The following ADGRV1 variants were observed in gnomAD, a reference collection of about 807,000 sequenced individuals.
The protein encoded by ADGRV1 is G-protein coupled receptor 98.
A neutral mutation model predicts 596.2 loss-of-function variants in ADGRV1; 359 were observed. The observed-to-expected ratio is 0.60, with a 90% confidence interval of 0.55 to 0.66. ADGRV1 has a LOEUF of 0.66. Among genes scored for constraint, ADGRV1 ranks in the 30% least tolerant of loss-of-function variants. The pLI is 0.00. For synonymous variants in ADGRV1, 2,681 were observed against 2,679.2 expected (o/e 1.00, Z -0.02); for missense variants, 7,274 against 7,575.6 (o/e 0.96, Z 1.48).
At chr5:90,710,099 A>T (rs1216710568) in intron 39 of ADGRV1, among the ~76,000 whole-genome samples, 1 of 152,082 alleles carries the variant, frequency 6.6e-6, no homozygotes, top group Non-Finnish European at 1.5e-5. Context: ...CCCTGATTTT[A>T]TATGCTTTCC....
chr5:91,107,605 G>A (rs373331874), intron 87 of ADGRV1, among the ~76,000 whole-genome samples: 5 of 152,084 alleles, frequency 3.3e-5, no homozygotes, highest in East Asian at 1.9e-4. Flanking sequence ...GAGAGGAATG[G>A]GTTCAAAGCA....
At chr5:90,788,445 G>T (rs1464381291) in intron 68 of ADGRV1, 135 bp downstream of exon 68, 1 of 857,084 alleles carries the variant, frequency 1.2e-6, no homozygotes, top group East Asian at 2.8e-5. Flanking sequence ...TAATAATTCT[G>T]AAGGGTCAAA....
In ADGRV1 at chr5:90,602,303, G is replaced by A. The variant is rs114408272; in HGVS notation, c.23-12532G>A. 5.6e-3 allele frequency among the ~76,000 whole-genome samples: 856 copies of A among 152,312 alleles called. 5 individuals are homozygous for A. The highest frequency in any genetic ancestry group is 9.2e-3 in the Admixed American group (141 of 15,294). On this transcript the variant is annotated intron_variant, in intron 1 of 89. Coordinates refer to ENST00000405460, the MANE Select transcript of ADGRV1 (RefSeq NM_032119.4). ...AAACAGTAAGAAATTTTCGAAAGGG[G>A]AGAGGGGTGCTATACATAATGACTT...
At chr5:90,948,835 C>T (rs1462255547) in intron 83 of ADGRV1, among the ~76,000 whole-genome samples, 1 of 152,068 alleles carries the variant, frequency 6.6e-6, no homozygotes, top group East Asian at 1.9e-4. Context: ...TGTGTGAGTA[C>T]TCCAAGCACA....
intron 83 of ADGRV1, among the ~76,000 whole-genome samples, chr5:90,884,285 C>A (rs1219639598): frequency 6.6e-6 from 1 of 152,126 alleles, no homozygotes; most frequent in South Asian, 2.1e-4. Context: ...CATTACCAAA[C>A]GTCCCCTGGA....
At chr5:90,595,563 G>A (rs1760302752) in intron 1 of ADGRV1, among the ~76,000 whole-genome samples, 1 of 134,554 alleles carries the variant, frequency 7.4e-6, no homozygotes, top group Non-Finnish European at 1.6e-5. Context: ...CGGGCGGGGG[G>A]CTGACCCCCC....
chr5:90,956,669 A>G (rs76412727), intron 83 of ADGRV1, among the ~76,000 whole-genome samples: 1,863 of 152,272 alleles, frequency 0.012, 47 homozygotes, highest in African/African-American at 0.042. Context: ...CTTCAAATGA[A>G]GGTACTTTAT....
At chr5:91,061,231 A>G (rs1787405164) in intron 85 of ADGRV1, among the ~76,000 whole-genome samples, 1 of 152,204 alleles carries the variant, frequency 6.6e-6, no homozygotes, top group African/African-American at 2.4e-5. Context: ...ACAAAAAATA[A>G]CAAGTCAGCC....
chr5:90,737,084 G>GT (rs1210465186), intron 50 of ADGRV1, among the ~76,000 whole-genome samples: 3 of 151,328 alleles, frequency 2.0e-5, no homozygotes, highest in African/African-American at 7.3e-5. Context: ...CAATACAGGC[G>GT]TTTATTGCTG....
intron 20 of ADGRV1, among the ~76,000 whole-genome samples, chr5:90,657,180 A>C (rs28550273): frequency 0.5 from 74,509 of 150,010 alleles, 19,003 homozygotes; most frequent in East Asian, 0.81. Flanking sequence ...CGATCCTCCC[A>C]TCTAAGCACT....
At chr5:91,037,302 G>A (rs894329862) in intron 85 of ADGRV1, among the ~76,000 whole-genome samples, 2 of 152,134 alleles carry the variant, frequency 1.3e-5, no homozygotes, top group Admixed American at 6.6e-5. Context: ...GCTGTCTGCT[G>A]TAGAGGAAAG....
At chr5:91,077,956 CAAGA>C in intron 86 of ADGRV1, among the ~76,000 whole-genome samples, 1 of 152,166 alleles carries the variant, frequency 6.6e-6, no homozygotes, top group Non-Finnish European at 1.5e-5. Flanking sequence ...TCATTTCAAT[CAAGA>C]AAGAAAGTAG....
At chr5:90,646,159 C>CT in intron 16 of ADGRV1, 68 bp downstream of exon 16, 1 of 1,134,472 alleles carries the variant, frequency 8.8e-7, no homozygotes, top group Non-Finnish European at 1.2e-6. Context: ...TGTATATATG[C>CT]ACGTGCATAT....
intron 83 of ADGRV1, among the ~76,000 whole-genome samples, chr5:90,893,197 G>A (rs755988963): frequency 1.3e-5 from 2 of 152,226 alleles, no homozygotes; most frequent in Admixed American, 6.5e-5. Flanking sequence ...CTAGTGTGAC[G>A]ATTGGCTAGA....
chr5:90,809,028 G>A (rs1762176541), intron 73 of ADGRV1, among the ~76,000 whole-genome samples: 2 of 149,534 alleles, frequency 1.3e-5, no homozygotes, highest in Admixed American at 6.7e-5. Flanking sequence ...CTCACTGCAA[G>A]CTCCGCCTCC....
chr5:90,828,913 G>C, intron 76 of ADGRV1, 31 bp from the exon 77 acceptor site: 2 of 1,471,704 alleles, frequency 1.4e-6, no homozygotes, highest in Non-Finnish European at 1.8e-6. Flanking sequence ...ATTAGTAATA[G>C]TTGTTTTTTT....
At chr5:91,003,270 C>G (rs1470275725) in intron 85 of ADGRV1, among the ~76,000 whole-genome samples, 4 of 152,146 alleles carry the variant, frequency 2.6e-5, no homozygotes, top group African/African-American at 9.7e-5. Flanking sequence ...GAGTGAATAC[C>G]AGGTAAACCA....
At chr5:90,735,342 CTG>C (rs1306151540) in intron 50 of ADGRV1, among the ~76,000 whole-genome samples, 1 of 152,146 alleles carries the variant, frequency 6.6e-6, no homozygotes, top group African/African-American at 2.4e-5. Flanking sequence ...GAGTTAATAT[CTG>C]GGCTTTCTAT....
Position 90,969,925 on chromosome 5 carries a change from G to T in ADGRV1, c.17973+4394G>T, listed in dbSNP as rs372810410. Reference sequence around the variant, plus strand: ...CGAGCGTGAGCCGAAGCAGGGCGAGGCATCGCCTCACCAGGGAAGTGCAAG... The same window carrying T: ...CGAGCGTGAGCCGAAGCAGGGCGAGTCATCGCCTCACCAGGGAAGTGCAAG... On this transcript the variant is annotated intron_variant, in intron 84 of 89. Coordinates refer to ENST00000405460, the MANE Select transcript of ADGRV1 (RefSeq NM_032119.4). Among the ~76,000 whole-genome samples, 20 of 152,336 alleles carry T rather than the reference G, an allele frequency of 1.3e-4. No homozygotes were observed. In the South Asian group the frequency reaches 3.5e-3, roughly 27 times the overall value.
Sources: gnomAD v4.1 joint callset for allele counts (sites outside exome capture counted in the v4.1 genomes callset) on GRCh38, gnomAD v4.1.1 for gene constraint, MANE v1.5 for transcripts, NCBI Gene and HGNC (gene_info 2026-07-23, HGNC 2026-07-21) for gene names.